The following METTL24 variants were observed in gnomAD, a reference collection of about 807,000 sequenced individuals.
The protein encoded by METTL24 is probable methyltransferase-like protein 24.
Under a neutral mutation model 32.7 loss-of-function variants are expected in METTL24, and 29 were observed. The ratio of observed to expected loss-of-function variants is 0.89; its 90% confidence interval spans 0.66 to 1.21. The LOEUF (loss-of-function observed/expected upper bound fraction) is 1.21, where lower values mean the gene tolerates loss of function less well. Among genes scored for constraint, METTL24 ranks in the 50% most tolerant of loss-of-function variants. The pLI is 0.00. For synonymous variants in METTL24, 163 were observed against 179.5 expected (o/e 0.91, Z 0.73); for missense variants, 439 against 468.1 (o/e 0.94, Z 0.57).
intron 1 of METTL24, among the ~76,000 whole-genome samples, chr6:110,349,727 T>C (rs969705381): frequency 6.6e-6 from 1 of 152,218 alleles, no homozygotes; most frequent in African/African-American, 2.4e-5. Context: ...CTGTATTAAA[T>C]AGACCTAAGC....
chr6:110,279,797 C>T (rs1008400033), intron 4 of METTL24, among the ~76,000 whole-genome samples: 1 of 152,082 alleles, frequency 6.6e-6, no homozygotes, highest in East Asian at 1.9e-4. Flanking sequence ...ACCCAAAGTA[C>T]TTGTGTTGGT....
At chr6:110,345,392 G>A (rs1772450865) in intron 1 of METTL24, among the ~76,000 whole-genome samples, 1 of 152,160 alleles carries the variant, frequency 6.6e-6, no homozygotes, top group East Asian at 1.9e-4. Context: ...GCTAAAAGCA[G>A]AACTACCATT....
intron 4 of METTL24, among the ~76,000 whole-genome samples, chr6:110,249,326 A>G (rs1054483685): frequency 6.6e-6 from 1 of 151,990 alleles, no homozygotes. Flanking sequence ...CTAAAGAGCA[A>G]AAAGTATTTT....
chr6:110,294,723 A>G (rs1290288181), intron 4 of METTL24, among the ~76,000 whole-genome samples: 1 of 152,128 alleles, frequency 6.6e-6, no homozygotes, highest in African/African-American at 2.4e-5. Flanking sequence ...ATGTTATTTC[A>G]CATAAATACT....
At chr6:110,314,513 C>T (rs192215070) in intron 3 of METTL24, among the ~76,000 whole-genome samples, 46 of 152,194 alleles carry the variant, frequency 3.0e-4, no homozygotes, top group Non-Finnish European at 5.4e-4. Flanking sequence ...CAATTTTTCT[C>T]AAACAGTTTT....
chr6:110,270,872 C>G (rs1454062988), intron 4 of METTL24, among the ~76,000 whole-genome samples: 1 of 141,438 alleles, frequency 7.1e-6, no homozygotes, highest in East Asian at 2.0e-4. Flanking sequence ...GAGTCTTGCT[C>G]TGTTGCCCAG....
rs780717851 is a variant in METTL24 at position 110,246,073 on chromosome 6, TCTAA to T, written c.970_973del (p.Leu324AsnfsTer21). 19 of 1,614,084 alleles carry T rather than the reference TCTAA, an allele frequency of 1.2e-5. No homozygotes were observed. On this transcript the variant is annotated frameshift_variant, in exon 5 of 5. Coordinates refer to ENST00000338882, the MANE Select transcript of METTL24 (RefSeq NM_001123364.3). LOFTEE classifies it high-confidence loss of function. ...GTGAAAAAGCCTGAAATCCTTTTGT[TCTAA>T]CTCTTTGAGAAGGCTGTACCAGAAC...
At chr6:110,288,472 T>C (rs917282895) in intron 4 of METTL24, among the ~76,000 whole-genome samples, 3 of 150,020 alleles carry the variant, frequency 2.0e-5, no homozygotes, top group Non-Finnish European at 4.4e-5. Context: ...ATTTTAAAAA[T>C]GTAACAAACA....
At chr6:110,300,689 G>A (rs1482319091) in intron 3 of METTL24, among the ~76,000 whole-genome samples, 1 of 151,956 alleles carries the variant, frequency 6.6e-6, no homozygotes, top group Admixed American at 6.6e-5. Flanking sequence ...CCAAAGTACT[G>A]GGATTACAGG....
At chr6:110,327,046 C>A (rs1407477587) in intron 1 of METTL24, among the ~76,000 whole-genome samples, 1 of 152,160 alleles carries the variant, frequency 6.6e-6, no homozygotes, top group Non-Finnish European at 1.5e-5. Flanking sequence ...TTAATATAGG[C>A]CACAGCTGTG....
intron 4 of METTL24, among the ~76,000 whole-genome samples, chr6:110,272,049 A>G (rs1770966624): frequency 6.6e-6 from 1 of 152,040 alleles, no homozygotes; most frequent in African/African-American, 2.4e-5. Flanking sequence ...GGTTACACGG[A>G]TAAGTTCTTT....
At position 110,246,344 on chromosome 6, in the gene METTL24, AG is replaced by A. The variant is rs1778160705; in HGVS notation, c.787-85del. The stretch of plus-strand genomic sequence containing the variant: ...AGTTTCACATTATAGCTACCTCTGA[AG>A]GAAACAGAATTTTTAAAATTTTAGA... On this transcript the variant is annotated intron_variant, in intron 4 of 4. Coordinates refer to ENST00000338882, the MANE Select transcript of METTL24 (RefSeq NM_001123364.3). The A allele has an allele frequency of 3.2e-6, 4 of 1,248,410 alleles. No homozygotes were observed. The South Asian group carries it at 4.6e-5, about 14-fold the overall frequency. The allele number at this position is 1,248,410 out of a possible 1,614,324, so 77.3% of individuals were successfully genotyped here. A position where few individuals can be genotyped will look rare whatever the true frequency, so the allele number is the denominator to read the frequency against.
intron 1 of METTL24, among the ~76,000 whole-genome samples, chr6:110,340,624 G>C (rs140401793): frequency 1.1e-3 from 171 of 152,326 alleles, no homozygotes; most frequent in Non-Finnish European, 2.1e-3. Flanking sequence ...GAATGTGCAT[G>C]TGTGCAAATG....
chr6:110,256,204 T>C (rs1469408853), intron 4 of METTL24, among the ~76,000 whole-genome samples: 2 of 152,084 alleles, frequency 1.3e-5, no homozygotes, highest in African/African-American at 2.4e-5. Flanking sequence ...GACTGAGGAA[T>C]GCAGCTTTGA....
At chr6:110,346,940 G>C (rs1293541497) in intron 1 of METTL24, among the ~76,000 whole-genome samples, 1 of 151,690 alleles carries the variant, frequency 6.6e-6, no homozygotes, top group African/African-American at 2.4e-5. Context: ...TGACTTTTCA[G>C]GTTTCCTCTT....
At chr6:110,305,530 C>A (rs578147165) in intron 3 of METTL24, among the ~76,000 whole-genome samples, 1 of 116,110 alleles carries the variant, frequency 8.6e-6, no homozygotes, top group Non-Finnish European at 1.7e-5. Context: ...TATGAACAGA[C>A]GCTTTTCAAA....
intron 1 of METTL24, among the ~76,000 whole-genome samples, chr6:110,333,122 T>C (rs1456607471): frequency 6.6e-6 from 1 of 152,172 alleles, no homozygotes; most frequent in Non-Finnish European, 1.5e-5. Context: ...TTTAACATCA[T>C]CTGAATCAAC....
At chr6:110,332,032 A>G (rs915829584) in intron 1 of METTL24, among the ~76,000 whole-genome samples, 2 of 152,208 alleles carry the variant, frequency 1.3e-5, no homozygotes, top group Non-Finnish European at 2.9e-5. Flanking sequence ...GCATGCTGAA[A>G]TTCAAATCCA....
At chr6:110,263,203 T>C (rs968139513) in intron 4 of METTL24, among the ~76,000 whole-genome samples, 1 of 152,188 alleles carries the variant, frequency 6.6e-6, no homozygotes, top group Non-Finnish European at 1.5e-5. Context: ...GATGACATGA[T>C]TGTATATCTA....
Sources: gnomAD v4.1 joint callset for allele counts (sites outside exome capture counted in the v4.1 genomes callset) on GRCh38, gnomAD v4.1.1 for gene constraint, MANE v1.5 for transcripts, NCBI Gene and HGNC (gene_info 2026-07-23, HGNC 2026-07-21) for gene names.